Variants in MACROD2 observed in about 807,000 individuals in gnomAD.
MACROD2 encodes the protein mono-ADP ribosylhydrolase 2, also known as ADP-ribose glycohydrolase MACROD2.
MACROD2 carries 36 observed loss-of-function variants against 70.4 expected under a neutral mutation model. That is an observed-to-expected ratio of 0.51 (90% CI 0.39 to 0.68). The LOEUF (loss-of-function observed/expected upper bound fraction) is 0.68, where lower values mean the gene tolerates loss of function less well. Among genes scored for constraint, MACROD2 ranks in the 30% least tolerant of loss-of-function variants. The pLI, the probability that MACROD2 is intolerant of heterozygous loss-of-function variation, is 0.00. For missense variants in MACROD2, 496 were observed against 538.4 expected, an observed-to-expected ratio of 0.92 and a Z score of 0.78; for synonymous variants, 172 against 178.8, an observed-to-expected ratio of 0.96 and a Z score of 0.30.
At chr20:14,096,703 G>A (rs1468479614) in intron 3 of MACROD2, among the ~76,000 whole-genome samples, 2 of 152,066 alleles carry the variant, frequency 1.3e-5, no homozygotes, top group African/African-American at 4.8e-5. Context: ...ATATGGTCAG[G>A]GATTTTATTA....
chr20:14,763,822 A>G (rs1600639187), intron 5 of MACROD2, among the ~76,000 whole-genome samples: 1 of 152,036 alleles, frequency 6.6e-6, no homozygotes, highest in East Asian at 1.9e-4. Context: ...GTACATCTAA[A>G]ACCCGGACTT....
Position 14,936,668 on chromosome 20 carries a change from G to GC in MACROD2, c.418+251713dup, listed in dbSNP as rs367703438. ...AAAATGCAAATAAAATGTTGCAATGGCCCCACTCATGCATGTGAAGGGCCC... is the reference window on the plus strand; with the variant it reads ...AAAATGCAAATAAAATGTTGCAATGGCCCCCACTCATGCATGTGAAGGGCCC... On this transcript the variant is annotated intron_variant, in intron 5 of 17. Transcript: ENST00000684519. Among the ~76,000 whole-genome samples, 1,022 of 152,124 alleles carry GC rather than the reference G, an allele frequency of 6.7e-3. 7 individuals are homozygous for GC. Among genetic ancestry groups the GC allele is most frequent in the African/African-American group, 0.023 (951 of 41,470 alleles).
intron 8 of MACROD2, among the ~76,000 whole-genome samples, chr20:15,812,692 G>A (rs1189047499): frequency 6.6e-6 from 1 of 152,120 alleles, no homozygotes; most frequent in Non-Finnish European, 1.5e-5. Flanking sequence ...GTATTCAATT[G>A]CATTTGTTTG....
At chr20:14,142,251 A>G (rs915004213) in intron 3 of MACROD2, among the ~76,000 whole-genome samples, 3 of 152,192 alleles carry the variant, frequency 2.0e-5, no homozygotes, top group African/African-American at 4.8e-5. Context: ...TTCAGTGGCT[A>G]TCAGGTCAGC....
intron 6 of MACROD2, among the ~76,000 whole-genome samples, chr20:15,321,378 C>T (rs903525834): frequency 1.4e-5 from 2 of 144,220 alleles, no homozygotes; most frequent in Admixed American, 6.9e-5. Context: ...GTCCTTAGCT[C>T]AGTAGCTTCA....
At chr20:14,705,806 A>G (rs1360797645) in intron 5 of MACROD2, among the ~76,000 whole-genome samples, 1 of 152,326 alleles carries the variant, frequency 6.6e-6, no homozygotes, top group East Asian at 1.9e-4. Context: ...AAATTCAAAC[A>G]TTAATGATTC....
chr20:15,590,943 GAGAAAGAAAGAAAGAAAAAGAA>G, intron 8 of MACROD2, among the ~76,000 whole-genome samples: 1 of 130,122 alleles, frequency 7.7e-6, no homozygotes, highest in South Asian at 2.6e-4. Flanking sequence ...AGGAAAGAGA[GAGAAAGAAAGAAAGAAAAAGAA>G]AGAAAGAAAG....
intron 4 of MACROD2, among the ~76,000 whole-genome samples, chr20:14,602,429 C>T (rs1477783309): frequency 1.3e-5 from 2 of 152,192 alleles, no homozygotes; most frequent in African/African-American, 4.8e-5. Context: ...GTCGGAACCT[C>T]TGGGGACTCT....
chr20:16,028,208 T>C (rs2067106243), intron 15 of MACROD2, among the ~76,000 whole-genome samples: 1 of 152,190 alleles, frequency 6.6e-6, no homozygotes, highest in East Asian at 1.9e-4. Flanking sequence ...GGTGGCTCAC[T>C]CTCTCCTTTG....
chr20:15,138,302 A>G (rs17358595), intron 5 of MACROD2, among the ~76,000 whole-genome samples: 1 of 152,106 alleles, frequency 6.6e-6, no homozygotes, highest in East Asian at 1.9e-4. Flanking sequence ...TGAGAAAGGC[A>G]ATATTCCACA....
At chr20:14,475,059 G>C (rs536521511) in intron 3 of MACROD2, among the ~76,000 whole-genome samples, 4 of 150,332 alleles carry the variant, frequency 2.7e-5, no homozygotes, top group Non-Finnish European at 5.9e-5. Context: ...TTCCTTTTTT[G>C]TGATTAGGTG....
At chr20:15,952,049 G>A (rs1236243719) in intron 12 of MACROD2, among the ~76,000 whole-genome samples, 2 of 152,078 alleles carry the variant, frequency 1.3e-5, no homozygotes, top group Non-Finnish European at 2.9e-5. Flanking sequence ...TAGTGAGTAA[G>A]TCTCACAAGA....
intron 3 of MACROD2, among the ~76,000 whole-genome samples, chr20:14,288,583 C>T (rs1185850940): frequency 6.6e-6 from 1 of 152,150 alleles, no homozygotes; most frequent in Non-Finnish European, 1.5e-5. Context: ...CCCAGCCTCT[C>T]CATGAGGAAA....
intron 8 of MACROD2, among the ~76,000 whole-genome samples, chr20:15,800,417 A>G (rs778256143): frequency 7.2e-5 from 11 of 152,102 alleles, no homozygotes; most frequent in Non-Finnish European, 1.5e-4. Context: ...TTATAGTTTC[A>G]GGTTTTATAT....
At chr20:15,184,207 C>T (rs530446004) in intron 5 of MACROD2, among the ~76,000 whole-genome samples, 2 of 152,200 alleles carry the variant, frequency 1.3e-5, no homozygotes, top group South Asian at 2.1e-4. Context: ...AGCTTACTGC[C>T]CCTGCTTCAT....
chr20:14,954,974 T>C (rs1159228217), intron 5 of MACROD2, among the ~76,000 whole-genome samples: 1 of 104,500 alleles, frequency 9.6e-6, no homozygotes, highest in Admixed American at 1.1e-4. Context: ...ATATTTTATA[T>C]AATTAAATAT....
intron 8 of MACROD2, among the ~76,000 whole-genome samples, chr20:15,581,846 G>T (rs1402431580): frequency 6.6e-6 from 1 of 152,176 alleles, no homozygotes; most frequent in Admixed American, 6.5e-5. Flanking sequence ...CACTGGCTGG[G>T]CACAGTGGCT....
At chr20:14,362,211 G>A (rs759778158) in intron 3 of MACROD2, among the ~76,000 whole-genome samples, 1 of 152,076 alleles carries the variant, frequency 6.6e-6, no homozygotes, top group African/African-American at 2.4e-5. Context: ...ACTACATTCC[G>A]ATCATTGTTC....
At chr20:15,224,693 C>G (rs2076890225) in intron 5 of MACROD2, among the ~76,000 whole-genome samples, 1 of 152,080 alleles carries the variant, frequency 6.6e-6, no homozygotes, top group African/African-American at 2.4e-5. Context: ...GCCTTTAGTC[C>G]CAACACTTTG....
Sources: allele counts gnomAD v4.1 joint callset (sites outside exome capture counted in the v4.1 genomes callset), GRCh38; gene constraint gnomAD v4.1.1; transcripts MANE v1.5; gene names NCBI Gene and HGNC (gene_info 2026-07-23, HGNC 2026-07-21).